PDE4D: variants seen among roughly 807,000 people sequenced by gnomAD.
PDE4D encodes 3',5'-cyclic-AMP phosphodiesterase 4D.
A neutral mutation model predicts 87.4 loss-of-function variants in PDE4D; 24 were observed. The observed-to-expected ratio is 0.27, with a 90% confidence interval of 0.20 to 0.39. PDE4D has a LOEUF of 0.39. Among genes scored for constraint, PDE4D ranks in the 10% least tolerant of loss-of-function variants. The pLI is 1.00. For synonymous variants in PDE4D, 384 were observed against 383.2 expected (o/e 1.00, Z -0.02); for missense variants, 714 against 1,041.0 (o/e 0.69, Z 4.32).
chr5:59,453,901 G>A (rs893745092), intron 1 of PDE4D, among the ~76,000 whole-genome samples: 2 of 152,204 alleles, frequency 1.3e-5, no homozygotes, highest in Non-Finnish European at 2.9e-5. Flanking sequence ...TTCACAACTA[G>A]AAAGAATAAG....
chr5:59,695,689 C>A (rs1041055901), intron 1 of PDE4D, among the ~76,000 whole-genome samples: 3 of 152,114 alleles, frequency 2.0e-5, no homozygotes, highest in African/African-American at 7.2e-5. Context: ...GCAGCCTTGA[C>A]CTCCTGGGCT....
chr5:60,053,061 C>A (rs1208214518), intron 2 of PDE4D, among the ~76,000 whole-genome samples: 1 of 152,160 alleles, frequency 6.6e-6, no homozygotes, highest in African/African-American at 2.4e-5. Flanking sequence ...AATGGAAAAA[C>A]ATTCCATGCT....
intron 1 of PDE4D, among the ~76,000 whole-genome samples, chr5:60,315,843 T>A (rs992041588): frequency 6.6e-6 from 1 of 151,976 alleles, no homozygotes; most frequent in Admixed American, 6.5e-5. Context: ...TCCATTGGTC[T>A]ATATCTCTGT....
chr5:59,365,154 A>C (rs1782848303), intron 1 of PDE4D, among the ~76,000 whole-genome samples: 1 of 152,204 alleles, frequency 6.6e-6, no homozygotes, highest in Non-Finnish European at 1.5e-5. Flanking sequence ...TTTAAGAAAA[A>C]ATGTATATAA....
At chr5:59,388,071 A>G (rs1787457022) in intron 1 of PDE4D, among the ~76,000 whole-genome samples, 1 of 152,042 alleles carries the variant, frequency 6.6e-6, no homozygotes, top group Admixed American at 6.6e-5. Flanking sequence ...GACTTATTTC[A>G]CTTAACATAA....
At chr5:59,062,649 C>G (rs1580593634) in intron 5 of PDE4D, among the ~76,000 whole-genome samples, 2 of 147,984 alleles carry the variant, frequency 1.4e-5, no homozygotes, top group African/African-American at 2.5e-5. Flanking sequence ...TGTATGTGCA[C>G]ATAGAGTGAT....
intron 1 of PDE4D, among the ~76,000 whole-genome samples, chr5:59,703,010 T>C (rs1752832325): frequency 1.3e-5 from 2 of 152,122 alleles, no homozygotes; most frequent in Admixed American, 1.3e-4. Flanking sequence ...CAGTTTGGAA[T>C]TACTCAGAAA....
At chr5:60,316,186 T>A (rs1483719188) in intron 1 of PDE4D, among the ~76,000 whole-genome samples, 1 of 152,238 alleles carries the variant, frequency 6.6e-6, no homozygotes, top group African/African-American at 2.4e-5. Flanking sequence ...GTAGTTCTCC[T>A]TGAAGAGGTC....
intron 1 of PDE4D, among the ~76,000 whole-genome samples, chr5:59,432,053 T>A (rs1796185372): frequency 6.6e-6 from 1 of 152,124 alleles, no homozygotes; most frequent in East Asian, 1.9e-4. Flanking sequence ...TACATGCTAT[T>A]TTTTTAACAT....
chr5:60,109,182 C>T (rs1045663828), intron 2 of PDE4D, among the ~76,000 whole-genome samples: 83 of 152,164 alleles, frequency 5.5e-4, no homozygotes, highest in Non-Finnish European at 1.1e-3. Context: ...CAAACAACCC[C>T]ATCAAAAAGT....
intron 1 of PDE4D, among the ~76,000 whole-genome samples, chr5:59,744,907 T>C (rs1201159033): frequency 6.6e-6 from 1 of 152,210 alleles, no homozygotes; most frequent in East Asian, 1.9e-4. Context: ...TTCCTGTCTA[T>C]AGACCCACAC....
At chr5:60,390,593 T>C (rs1161605958) in intron 1 of PDE4D, among the ~76,000 whole-genome samples, 3 of 151,708 alleles carry the variant, frequency 2.0e-5, no homozygotes, top group African/African-American at 7.3e-5. Flanking sequence ...CCAGCTCCCT[T>C]AGGCTGCCCT....
intron 1 of PDE4D, among the ~76,000 whole-genome samples, chr5:60,190,990 C>A (rs984063543): frequency 6.6e-6 from 1 of 152,116 alleles, no homozygotes; most frequent in East Asian, 1.9e-4. Flanking sequence ...TCATCTCTGC[C>A]GCACCTGAGA....
intron 1 of PDE4D, among the ~76,000 whole-genome samples, chr5:60,402,074 G>T (rs1164440824): frequency 6.6e-6 from 1 of 152,190 alleles, no homozygotes; most frequent in Non-Finnish European, 1.5e-5. Context: ...TGGAAAATAC[G>T]ACTGATGACT....
rs182772799 is a variant in PDE4D, at chr5:59,158,531, T to G, written c.808+22064A>C. Among the ~76,000 whole-genome samples the G allele has an allele frequency of 2.3e-4, 35 of 152,286 alleles. No individual in the cohort carries two copies. In the East Asian group the frequency reaches 6.6e-3, roughly 29 times the overall value. On this transcript the variant is annotated intron_variant, in intron 5 of 14. Coordinates refer to ENST00000340635, the MANE Select transcript of PDE4D (RefSeq NM_001104631.2). Reference sequence around the variant, plus strand: ...AAAATAGCAAATGGTGTCAAGGATATCCCCTAAACATCCAGATTGGAAAAA... The same window carrying G: ...AAAATAGCAAATGGTGTCAAGGATAGCCCCTAAACATCCAGATTGGAAAAA...
At chr5:59,334,872 A>C (rs1777403172) in intron 1 of PDE4D, among the ~76,000 whole-genome samples, 1 of 152,100 alleles carries the variant, frequency 6.6e-6, no homozygotes, top group Non-Finnish European at 1.5e-5. Context: ...AACAGAAATC[A>C]TCTAATCCTT....
intron 2 of PDE4D, among the ~76,000 whole-genome samples, chr5:60,006,776 G>A (rs1474559261): frequency 6.6e-6 from 1 of 151,840 alleles, no homozygotes; most frequent in Non-Finnish European, 1.5e-5. Context: ...AAAATTAAGT[G>A]CTTCTTTTCT....
At chr5:59,601,131 C>G in intron 1 of PDE4D, among the ~76,000 whole-genome samples, 1 of 152,070 alleles carries the variant, frequency 6.6e-6, no homozygotes, top group Admixed American at 6.6e-5. Context: ...CACTAGGTGA[C>G]TAATTTGTGA....
At chr5:59,124,621 G>C (rs1285441207) in intron 5 of PDE4D, among the ~76,000 whole-genome samples, 3 of 152,006 alleles carry the variant, frequency 2.0e-5, no homozygotes, top group African/African-American at 4.8e-5. Context: ...GGGTGCACTG[G>C]GACAAGAGTA....
Sources: gnomAD v4.1 joint callset for allele counts (sites outside exome capture counted in the v4.1 genomes callset) on GRCh38, gnomAD v4.1.1 for gene constraint, MANE v1.5 for transcripts, NCBI Gene and HGNC (gene_info 2026-07-23, HGNC 2026-07-21) for gene names.